Variants in TBCK observed in about 807,000 individuals in gnomAD.
TBCK encodes TBC domain-containing protein kinase-like protein.
TBCK carries 99 observed loss-of-function variants against 113.4 expected under a neutral mutation model. The ratio of observed to expected loss-of-function variants is 0.87; its 90% CI spans 0.74 to 1.03. TBCK has a LOEUF of 1.03. Ranked by LOEUF, TBCK falls within the 50% of genes least tolerant of loss-of-function variation. The probability of loss-of-function intolerance (pLI) is 0.00; values close to 1 mark genes in which losing one functional copy is unlikely to be tolerated. For synonymous variants in TBCK, 369 were observed against 370.8 expected (o/e 1.00, Z 0.05); for missense variants, 1,045 against 1,061.3 (o/e 0.98, Z 0.21).
At position 106,139,945 on chromosome 4, in the gene TBCK, T is replaced by C. The variant is rs1457933532; in HGVS notation, c.2236-23567A>G. ...CAAGAAAATATAACAAATTATTTTA[T>C]GTACAAAAAGCCTGTTAAATATAAT... is the stretch of plus-strand genomic sequence containing the variant. On this transcript the variant is annotated intron_variant, in intron 23 of 25. Coordinates refer to ENST00000394708, the MANE Select transcript of TBCK (RefSeq NM_001163435.3). Among the ~76,000 whole-genome samples, 5 of 141,146 alleles carry C rather than the reference T, an allele frequency of 3.5e-5. 1 individual carries two copies. Among genetic ancestry groups the C allele is most frequent in the Non-Finnish European group, 8.0e-5 (5 of 62,146 alleles). The allele number at this position is 141,146 out of a possible 152,430, so 92.6% of individuals were successfully genotyped here.
intron 22 of TBCK, among the ~76,000 whole-genome samples, chr4:106,185,505 C>G (rs1027047684): frequency 6.6e-6 from 1 of 152,050 alleles, no homozygotes. Flanking sequence ...TTTAATCATT[C>G]TATTTCTGCT....
chr4:106,249,699 C>A (rs184599521), intron 7 of TBCK, among the ~76,000 whole-genome samples: 175 of 152,204 alleles, frequency 1.1e-3, no homozygotes, highest in Admixed American at 3.4e-3. Context: ...TCCAAGGCTT[C>A]TTAATAGCTG....
chr4:106,179,085 C>G (rs532535813), intron 22 of TBCK, among the ~76,000 whole-genome samples: 1 of 152,026 alleles, frequency 6.6e-6, no homozygotes, highest in South Asian at 2.1e-4. Flanking sequence ...TGTCTGCATT[C>G]TGTAGTAAAA....
intron 7 of TBCK, among the ~76,000 whole-genome samples, chr4:106,250,020 T>C (rs1279442234): frequency 1.3e-5 from 2 of 152,056 alleles, no homozygotes; most frequent in East Asian, 3.8e-4. Context: ...TAAGGAAAAA[T>C]CAATATTCTT....
intron 23 of TBCK, among the ~76,000 whole-genome samples, chr4:106,166,097 G>A (rs1750338664): frequency 6.6e-6 from 1 of 151,612 alleles, no homozygotes; most frequent in Admixed American, 6.6e-5. Context: ...TTCTGATTAT[G>A]CTAATTTTAA....
At chr4:106,266,875 A>G (rs1241535848) in intron 3 of TBCK, among the ~76,000 whole-genome samples, 1 of 151,894 alleles carries the variant, frequency 6.6e-6, no homozygotes, top group African/African-American at 2.4e-5. Context: ...GGGTCATGAA[A>G]TTTTTTAAGT....
intron 24 of TBCK, among the ~76,000 whole-genome samples, chr4:106,097,065 T>C (rs974289134): frequency 6.6e-6 from 1 of 152,178 alleles, no homozygotes; most frequent in African/African-American, 2.4e-5. Context: ...TATGTGCCTT[T>C]AAAGAAGATT....
At chr4:106,291,599 A>G (rs1765717896) in intron 3 of TBCK, among the ~76,000 whole-genome samples, 1 of 152,246 alleles carries the variant, frequency 6.6e-6, no homozygotes, top group Admixed American at 6.5e-5. Flanking sequence ...AGAAAAAAAC[A>G]TGAACACGAA....
At chr4:106,155,852 T>G (rs546990258) in intron 23 of TBCK, among the ~76,000 whole-genome samples, 1 of 152,258 alleles carries the variant, frequency 6.6e-6, no homozygotes, top group East Asian at 1.9e-4. Flanking sequence ...GTCTAAAAGG[T>G]CACATATCTC....
chr4:106,272,317 C>T (rs577903277), intron 3 of TBCK, among the ~76,000 whole-genome samples: 121 of 152,028 alleles, frequency 8.0e-4, no homozygotes, highest in African/African-American at 2.7e-3. Flanking sequence ...GGTTTCTTTC[C>T]GTGCTACATA....
At chr4:106,238,736 G>GTTTGT (rs1759749468) in intron 12 of TBCK, 1 of 152,112 alleles carries the variant, frequency 6.6e-6, no homozygotes, top group Non-Finnish European at 1.5e-5. Flanking sequence ...TCAAGAACTC[G>GTTTGT]TCTCACATCT....
chr4:106,081,358 T>C (rs1355257327), intron 25 of TBCK, among the ~76,000 whole-genome samples: 1 of 152,202 alleles, frequency 6.6e-6, no homozygotes, highest in Non-Finnish European at 1.5e-5. Flanking sequence ...AATGAGATCA[T>C]GTCCTTTGCA....
Position 106,140,765 on chromosome 4 carries a change from A to G in TBCK, c.2236-24387T>C, listed in dbSNP as rs970392765. Among the ~76,000 whole-genome samples, 21 of 138,154 alleles carry G rather than the reference A, an allele frequency of 1.5e-4. 4 individuals carry two copies. Among genetic ancestry groups the G allele is most frequent in the Admixed American group, 5.0e-4 (7 of 13,912 alleles). 90.6% of individuals were successfully genotyped at this position (138,154 alleles called of 152,430 possible). On this transcript the variant is annotated intron_variant, in intron 23 of 25. Coordinates refer to ENST00000394708, the MANE Select transcript of TBCK (RefSeq NM_001163435.3). Reference sequence around the variant, plus strand: ...CTCAAATCACAGGATTGCTCATTCTATGAATTTCTGTAATATCTCCACCCA... The same window carrying G: ...CTCAAATCACAGGATTGCTCATTCTGTGAATTTCTGTAATATCTCCACCCA...
intron 19 of TBCK, among the ~76,000 whole-genome samples, chr4:106,229,550 G>T (rs752160122): frequency 2.6e-5 from 4 of 151,922 alleles, no homozygotes; most frequent in Admixed American, 6.6e-5. Flanking sequence ...TGTGTTCATT[G>T]TAAGTGTATA....
At chr4:106,107,756 C>G (rs1237797767) in intron 24 of TBCK, among the ~76,000 whole-genome samples, 1 of 151,966 alleles carries the variant, frequency 6.6e-6, no homozygotes, top group African/African-American at 2.4e-5. Flanking sequence ...AACCTCAAAG[C>G]TAATAGAACT....
chr4:106,237,530 T>A, intron 12 of TBCK: 1 of 455,936 alleles, frequency 2.2e-6, no homozygotes, highest in Non-Finnish European at 4.4e-6. Flanking sequence ...GAAGGCAGAA[T>A]GTCTGCTCCT....
intron 16 of TBCK, 121 bp downstream of exon 16, chr4:106,233,467 A>G: frequency 1.3e-6 from 1 of 741,792 alleles, no homozygotes; most frequent in Non-Finnish European, 2.3e-6. Flanking sequence ...TTCTCTAACA[A>G]TATATGTATG....
chr4:106,095,523 C>T lies in TBCK; in HGVS notation c.2530G>A (p.Val844Ile). The T allele has an allele frequency of 6.2e-7, 1 of 1,613,988 alleles. No homozygotes were observed. Among genetic ancestry groups the T allele is most frequent in the Non-Finnish European group, 8.5e-7 (1 of 1,179,938 alleles). The change falls in exon 25 of 26, where the codon GTC becomes ATC. Residue 844 changes from valine (V) to isoleucine (I), a missense_variant. Coordinates refer to ENST00000394708, the MANE Select transcript of TBCK (RefSeq NM_001163435.3). ...GCCACATGCCCCACGATGACAATGA[C>T]CTTCCCTTTGAAGTTCTGGAGCATA... ...TAMLQNFKGK[V>I]IVIVGHVAKH...
chr4:106,249,347 T>C (rs1189258330), intron 7 of TBCK, among the ~76,000 whole-genome samples: 1 of 152,150 alleles, frequency 6.6e-6, no homozygotes, highest in Non-Finnish European at 1.5e-5. Context: ...TCCACTTATA[T>C]GTGGATTGTT....
Sources: gnomAD v4.1 joint callset for allele counts (sites outside exome capture counted in the v4.1 genomes callset) on GRCh38, gnomAD v4.1.1 for gene constraint, MANE v1.5 for transcripts, NCBI Gene and HGNC (gene_info 2026-07-23, HGNC 2026-07-21) for gene names.